Variants in CX3CL1 observed in about 807,000 individuals in gnomAD.
The protein encoded by CX3CL1 is fractalkine.
CX3CL1 carries 1 observed loss-of-function variant against 14.1 expected under a neutral mutation model. That is an observed-to-expected ratio of 0.07 (90% CI 0.03 to 0.34). CX3CL1 has a LOEUF of 0.34. Among genes scored for constraint, CX3CL1 ranks in the 10% least tolerant of loss-of-function variants. The pLI, the probability that CX3CL1 is intolerant of heterozygous loss-of-function variation, is 0.99. For missense variants in CX3CL1, 505 were observed against 536.4 expected, an observed-to-expected ratio of 0.94 and a Z score of 0.58; for synonymous variants, 255 against 229.6, an observed-to-expected ratio of 1.11 and a Z score of -1.00.
chr16:57,382,538 C>T lies in CX3CL1; in HGVS notation c.700C>T (p.Pro234Ser), dbSNP rs138566469. Residue 234 changes from proline to serine, a missense_variant, in exon 3 of 3, where the codon CCA becomes TCA. Coordinates refer to ENST00000006053, the MANE Select transcript of CX3CL1 (RefSeq NM_002996.6). This position sits in a 1 kb window ranked among gnomAD's most constrained non-coding sequence, Gnocchi z 6.9. ...PSTQASTASS[P>S]APEENAPSEG... Reference sequence around the variant, plus strand: ...CACCCAGGCCTCCACTGCGTCCTCCCCAGCCCCAGAGGAGAATGCTCCGTC... The same window carrying T: ...CACCCAGGCCTCCACTGCGTCCTCCTCAGCCCCAGAGGAGAATGCTCCGTC... 84 of 1,613,982 alleles carry T rather than the reference C, an allele frequency of 5.2e-5. No homozygotes were observed. In the African/African-American group the frequency reaches 9.6e-4, roughly 18 times the overall value.
Position 57,384,267 on chromosome 16 carries a change from T to G in CX3CL1, c.*1235T>G, listed in dbSNP as rs919245118. 1 of 152,314 alleles carries G rather than the reference T, an allele frequency of 6.6e-6. No individual in the cohort carries two copies. Among genetic ancestry groups the G allele is most frequent in the African/African-American group, 2.4e-5 (1 of 41,442 alleles). The allele number at this position is 152,314 out of a possible 1,614,324, so 9.4% of individuals were successfully genotyped here. On this transcript the variant is annotated 3_prime_UTR_variant, in exon 3 of 3. Coordinates refer to ENST00000006053, the MANE Select transcript of CX3CL1 (RefSeq NM_002996.6). Reference sequence around the variant, plus strand: ...CACTGTTCTCTGCCCTCCAAGACCTTCTCCTTCACCTTTGTCCCCACCGCA... The same window carrying G: ...CACTGTTCTCTGCCCTCCAAGACCTGCTCCTTCACCTTTGTCCCCACCGCA...
In CX3CL1 at chr16:57,372,622, G is replaced by A. The variant is rs748737416; in HGVS notation, c.54G>A (p.Leu18=). The change falls in exon 1 of 3, where the codon CTG becomes CTA. Residue 18 remains leucine, a synonymous_variant. Transcript: ENST00000006053. ...TCCGCTTGGCCACCTTCTGCCATCTGACTGTCCTGCTGGCTGGTAAGTGGG... is the reference window on the plus strand; with the variant it reads ...TCCGCTTGGCCACCTTCTGCCATCTAACTGTCCTGCTGGCTGGTAAGTGGG... The part of the protein sequence containing the change: ...WLLRLATFCH[L]TVLLAGQHHG... The A allele has an allele frequency of 6.2e-7, 1 of 1,613,646 alleles. No homozygotes were observed. The highest frequency in any genetic ancestry group is 8.5e-7 in the Non-Finnish European group (1 of 1,179,966).
Position 57,383,183 on chromosome 16 carries a change from G to T in CX3CL1, c.*151G>T. 1 of 685,166 alleles carries T rather than the reference G, an allele frequency of 1.5e-6. No individual in the cohort carries two copies. Among genetic ancestry groups the T allele is most frequent in the East Asian group, 3.1e-5 (1 of 32,216 alleles). 42.4% of individuals were successfully genotyped at this position (685,166 alleles called of 1,614,324 possible). On this transcript the variant is annotated 3_prime_UTR_variant, in exon 3 of 3. Transcript: ENST00000006053. ...CAGGTGCACAAGCTCCAAGCTCCCA[G>T]GCATTCCCCAGGAGGCCAGCCTTGA...
In CX3CL1 at chr16:57,382,216, CCTG is replaced by C; in HGVS notation, c.379_381del (p.Leu127del). 6.2e-7 allele frequency: 1 copy of C among 1,612,830 alleles called. No homozygotes were observed. The highest frequency in any genetic ancestry group is 8.5e-7 in the Non-Finnish European group (1 of 1,179,420). On this transcript the variant is annotated inframe_deletion, in exon 3 of 3. Coordinates refer to ENST00000006053, the MANE Select transcript of CX3CL1 (RefSeq NM_002996.6). This position sits in a 1 kb window ranked among gnomAD's most constrained non-coding sequence, Gnocchi z 6.9. ...CCGGGGGAATGGACGAGTCTGTGGT[CCTG>C]GAGCCCGAAGCCACAGGCGAAAGCA... is the stretch of plus-strand genomic sequence containing the variant.
intron 1 of CX3CL1, 71 bp downstream of exon 1, chr16:57,372,709 A>G: frequency 6.5e-7 from 1 of 1,537,314 alleles, no homozygotes; most frequent in Non-Finnish European, 8.9e-7. Context: ...CTCAAGCCTG[A>G]CATCAGGGGC....
intron 1 of CX3CL1, among the ~76,000 whole-genome samples, chr16:57,376,295 G>A (rs1345384818): frequency 1.3e-5 from 2 of 152,232 alleles, no homozygotes; most frequent in African/African-American, 4.8e-5. Context: ...AGAGTGATCT[G>A]ATGGCATTTA....
intron 2 of CX3CL1, among the ~76,000 whole-genome samples, chr16:57,381,050 G>A (rs1473406482): frequency 5.3e-5 from 8 of 152,326 alleles, no homozygotes; most frequent in African/African-American, 1.9e-4. Flanking sequence ...GAAGGAAGTT[G>A]GGGAGGGGAT....
At chr16:57,375,951 T>C (rs1047706338) in intron 1 of CX3CL1, among the ~76,000 whole-genome samples, 3 of 152,214 alleles carry the variant, frequency 2.0e-5, no homozygotes, top group African/African-American at 7.2e-5. Flanking sequence ...AAACTAGCTC[T>C]GCCACCATGC....
chr16:57,382,619 G>C lies in CX3CL1; in HGVS notation c.781G>C (p.Glu261Gln). 1 of 1,613,910 alleles carries C rather than the reference G, an allele frequency of 6.2e-7. No homozygotes were observed. Among genetic ancestry groups the C allele is most frequent in the East Asian group, 2.2e-5 (1 of 44,876 alleles). Reference sequence around the variant, plus strand: ...GAGCCCCAGGCCAGAGAACTCTCTGGAGCGGGAGGAGATGGGTCCCGTGCC... The same window carrying C: ...GAGCCCCAGGCCAGAGAACTCTCTGCAGCGGGAGGAGATGGGTCCCGTGCC... ...GQSPRPENSL[E>Q]REEMGPVPAH... Residue 261 changes from glutamate (E) to glutamine (Q), a missense_variant, in exon 3 of 3, where the codon GAG (glutamate) becomes CAG (glutamine). Physicochemically the swap from Glu to Gln is conservative, Grantham distance 29. Transcript: ENST00000006053. The surrounding 1 kb of genome is among the most constrained non-coding windows in gnomAD (Gnocchi z 6.9).
rs1304909183 is a variant in CX3CL1, at chr16:57,384,135, G to C, written c.*1103G>C. 1 of 152,252 alleles carries C rather than the reference G, an allele frequency of 6.6e-6. No homozygotes were observed. The highest frequency in any genetic ancestry group is 2.4e-5 in the African/African-American group (1 of 41,434). 9.4% of individuals were successfully genotyped at this position (152,252 alleles called of 1,614,324 possible). ...GCCACATTCCTGATGCTTCTTCAGA[G>C]ACTCCTGCAGGCAGCCAGGCCACAA... On this transcript the variant is annotated 3_prime_UTR_variant, in exon 3 of 3. Transcript: ENST00000006053.
rs776243031 is a variant in CX3CL1, at chr16:57,372,545, C to T, written c.-24C>T. The T allele has an allele frequency of 2.5e-5, 40 of 1,608,498 alleles. No homozygotes were observed. Among genetic ancestry groups the T allele is most frequent in the Middle Eastern group, 1.6e-4 (1 of 6,074 alleles). ...CTCTAGCCGCCTGCCTGGCCCCCGC[C>T]GGGACTCTTGCCCACCCTCAGCCAT... On this transcript the variant is annotated 5_prime_UTR_variant, in exon 1 of 3. Transcript: ENST00000006053.
chr16:57,374,561 C>G (rs1241640489), intron 1 of CX3CL1, among the ~76,000 whole-genome samples: 2 of 152,236 alleles, frequency 1.3e-5, no homozygotes, highest in East Asian at 1.9e-4. Flanking sequence ...CAGATCCAGG[C>G]CCCTGTCTAA....
rs1347011692 is a variant in CX3CL1, at chr16:57,382,334, G to A, written c.496G>A (p.Gly166Arg). 1 of 1,604,376 alleles carries A rather than the reference G, an allele frequency of 6.2e-7. No homozygotes were observed. The highest frequency in any genetic ancestry group is 1.1e-5 in the South Asian group (1 of 90,210). Reference sequence around the variant, plus strand: ...GCCGACGGGCGTGACTGGTTCCTCAGGGACCAGGCTCCCCCCGACGCCAAA... The same window carrying A: ...GCCGACGGGCGTGACTGGTTCCTCAAGGACCAGGCTCCCCCCGACGCCAAA... ...ELPTGVTGSS[G>R]TRLPPTPKAQ... The change falls in exon 3 of 3, where the codon GGG (glycine) becomes AGG (arginine). Residue 166 changes from glycine to arginine, a missense_variant. Gly to Arg is a moderately radical substitution (Grantham distance 125). Transcript: ENST00000006053. This position sits in a 1 kb window ranked among gnomAD's most constrained non-coding sequence, Gnocchi z 6.9.
chr16:57,372,593 C>T lies in CX3CL1; in HGVS notation c.25C>T (p.Leu9=). 6.2e-7 allele frequency: 1 copy of T among 1,613,394 alleles called. No individual in the cohort carries two copies. Among genetic ancestry groups the T allele is most frequent in the Non-Finnish European group, 8.5e-7 (1 of 1,179,996 alleles). The part of the protein sequence containing the change: MAPISLSW[L]LRLATFCHLT... ...CATGGCTCCGATATCTCTGTCGTGG[C>T]TGCTCCGCTTGGCCACCTTCTGCCA... Residue 9 remains leucine (L), a synonymous_variant, in exon 1 of 3, where the codon CTG becomes TTG. Transcript: ENST00000006053.
rs147284692 is a variant in CX3CL1 at position 57,382,927 on chromosome 16, G to A, written c.1089G>A (p.Gln363=). The A allele has an allele frequency of 4.5e-6, 7 of 1,544,752 alleles. No individual in the cohort carries two copies. The African/African-American group carries it at 9.6e-5, about 21-fold the overall frequency. ...TGGGGGTGGCCATGTTCACCTACCAGAGCCTCCAGGGCTGCCCTCGAAAGA... is the reference window on the plus strand; with the variant it reads ...TGGGGGTGGCCATGTTCACCTACCAAAGCCTCCAGGGCTGCCCTCGAAAGA... ...FCLGVAMFTY[Q]SLQGCPRKMA... is the part of the protein sequence containing the mutation. Residue 363 remains glutamine, a synonymous_variant, in exon 3 of 3, where the codon CAG becomes CAA. Transcript: ENST00000006053. The surrounding 1 kb of genome is among the most constrained non-coding windows in gnomAD (Gnocchi z 6.9).
intron 1 of CX3CL1, among the ~76,000 whole-genome samples, chr16:57,376,347 A>G (rs1467856935): frequency 3.3e-5 from 5 of 152,230 alleles, no homozygotes; most frequent in Non-Finnish European, 7.3e-5. Context: ...ACCAGTGCCT[A>G]TGGGAGAAAG....
intron 2 of CX3CL1, among the ~76,000 whole-genome samples, chr16:57,380,809 G>A (rs1902309269): frequency 6.6e-6 from 1 of 152,102 alleles, no homozygotes; most frequent in Non-Finnish European, 1.5e-5. Flanking sequence ...TGACTTTTGG[G>A]ACCTAAAGCA....
At chr16:57,381,478 A>G (rs1422734829) in intron 2 of CX3CL1, among the ~76,000 whole-genome samples, 2 of 152,144 alleles carry the variant, frequency 1.3e-5, no homozygotes, top group African/African-American at 4.8e-5. Context: ...GAGAGGAGCA[A>G]CAAGACTCAC....
chr16:57,381,805 T>G (rs1305220585), intron 2 of CX3CL1, among the ~76,000 whole-genome samples: 1 of 152,078 alleles, frequency 6.6e-6, no homozygotes, highest in Non-Finnish European at 1.5e-5. Flanking sequence ...CTGGTCACCC[T>G]ACAGATGGGA....
Sources: gnomAD v4.1 joint callset for allele counts (sites outside exome capture counted in the v4.1 genomes callset) on GRCh38, gnomAD v4.1.1 for gene constraint, Gnocchi (gnomAD v3.1) non-coding constraint, MANE v1.5 for transcripts, NCBI Gene and HGNC (gene_info 2026-07-23, HGNC 2026-07-21) for gene names.